The following ZBTB16 variants were observed in gnomAD, a reference collection of about 807,000 sequenced individuals.
ZBTB16 encodes zinc finger and BTB domain-containing protein 16.
In ZBTB16, 8 loss-of-function variants were observed where a neutral mutation model predicts 56.8. That is an observed-to-expected ratio of 0.14 (90% CI 0.08 to 0.25). The LOEUF is 0.25. ZBTB16 is among the 10% of genes least tolerant of loss of function. ZBTB16 has a pLI of 1.00. For missense variants in ZBTB16, 625 were observed against 903.0 expected (o/e 0.69, Z 3.95); for synonymous variants, 363 against 368.5 (o/e 0.98, Z 0.17).
At chr11:114,137,519 G>T (rs933861241) in intron 2 of ZBTB16, among the ~76,000 whole-genome samples, 5 of 152,168 alleles carry the variant, frequency 3.3e-5, no homozygotes, top group African/African-American at 1.2e-4. Context: ...TGTTCCAGTG[G>T]CAATTAAGTA....
intron 5 of ZBTB16, among the ~76,000 whole-genome samples, chr11:114,242,725 T>C (rs1417370077): frequency 3.9e-5 from 6 of 152,134 alleles, no homozygotes; most frequent in Admixed American, 6.5e-5. Flanking sequence ...CTGGGTCTCT[T>C]AACATTGTCT....
At chr11:114,204,699 A>G (rs1190808203) in intron 4 of ZBTB16, among the ~76,000 whole-genome samples, 2 of 151,406 alleles carry the variant, frequency 1.3e-5, no homozygotes, top group African/African-American at 4.9e-5. Flanking sequence ...GCTCATTACC[A>G]CCTCTCACCT....
intron 2 of ZBTB16, among the ~76,000 whole-genome samples, chr11:114,095,245 C>CTTT (rs745895999): frequency 1.2e-4 from 11 of 90,480 alleles, no homozygotes; most frequent in African/African-American, 6.8e-4. Flanking sequence ...CTTTTCTTTT[C>CTTT]TTTTTTTTTT....
At chr11:114,172,827 C>T (rs1191053237) in intron 3 of ZBTB16, among the ~76,000 whole-genome samples, 5 of 152,224 alleles carry the variant, frequency 3.3e-5, no homozygotes, top group Admixed American at 3.3e-4. Flanking sequence ...GGACCTCTGG[C>T]ATGGGAGGAG....
At chr11:114,201,737 T>G (rs1943741463) in intron 4 of ZBTB16, among the ~76,000 whole-genome samples, 1 of 152,170 alleles carries the variant, frequency 6.6e-6, no homozygotes, top group African/African-American at 2.4e-5. Flanking sequence ...AGCCACCCTA[T>G]AAGACTCTGT....
At position 114,239,507 on chromosome 11, in the gene ZBTB16, G is replaced by A. The variant is rs1012132890; in HGVS notation, c.1454-2660G>A. The stretch of plus-strand genomic sequence containing the variant: ...CATTGCAGATGCACTGTCCTCCTGT[G>A]TACGTCGGCCAAGCAGGGAGGGACA... On this transcript the variant is annotated intron_variant, in intron 4 of 6. Transcript: ENST00000335953. Among the ~76,000 whole-genome samples, 7 of 152,160 alleles carry A rather than the reference G, an allele frequency of 4.6e-5. No individual in the cohort carries two copies. The East Asian group carries it at 1.3e-3, about 29-fold the overall frequency.
chr11:114,243,785 C>T (rs1944761498), intron 5 of ZBTB16, among the ~76,000 whole-genome samples: 1 of 152,166 alleles, frequency 6.6e-6, no homozygotes, highest in African/African-American at 2.4e-5. Context: ...CCACTGGGTC[C>T]AATCAGTTGG....
chr11:114,126,775 G>A (rs1341004782), intron 2 of ZBTB16, among the ~76,000 whole-genome samples: 1 of 152,108 alleles, frequency 6.6e-6, no homozygotes, highest in Non-Finnish European at 1.5e-5. Flanking sequence ...CATGACCTTG[G>A]GAGAGAAGCC....
intron 2 of ZBTB16, among the ~76,000 whole-genome samples, chr11:114,136,005 G>A (rs932911005): frequency 1.8e-4 from 28 of 152,058 alleles, no homozygotes; most frequent in Non-Finnish European, 1.8e-4. Flanking sequence ...CCTTTTCTTC[G>A]GTGAGTTCCC....
intron 4 of ZBTB16, among the ~76,000 whole-genome samples, chr11:114,224,061 G>T (rs1944287018): frequency 1.3e-5 from 2 of 152,278 alleles, no homozygotes; most frequent in Admixed American, 1.3e-4. Context: ...GGACAATAGG[G>T]AAGTAATGAA....
At chr11:114,193,335 G>A (rs1405583225) in intron 4 of ZBTB16, among the ~76,000 whole-genome samples, 1 of 152,146 alleles carries the variant, frequency 6.6e-6, no homozygotes, top group Non-Finnish European at 1.5e-5. Flanking sequence ...CTTTGAGAAG[G>A]GCTCCCTGCC....
chr11:114,106,229 G>A (rs1591671393), intron 2 of ZBTB16, among the ~76,000 whole-genome samples: 1 of 152,068 alleles, frequency 6.6e-6, no homozygotes, highest in South Asian at 2.1e-4. Flanking sequence ...GAAGTGTTCC[G>A]TAGCTTCTGT....
intron 3 of ZBTB16, among the ~76,000 whole-genome samples, chr11:114,177,686 G>A (rs1943150637): frequency 6.6e-6 from 1 of 152,158 alleles, no homozygotes; most frequent in Non-Finnish European, 1.5e-5. Flanking sequence ...TTGTGCCCTT[G>A]TGCTGACTAC....
Position 114,070,195 on chromosome 11 carries a change from G to A in ZBTB16, c.1268+5627G>A, listed in dbSNP as rs1295350731. On this transcript the variant is annotated intron_variant, in intron 2 of 6. Coordinates refer to ENST00000335953, the MANE Select transcript of ZBTB16 (RefSeq NM_006006.6). ...GCAATCTCGGCTCACTGCAAGCTCC[G>A]CTTCCCGGGTTCACGCCATTCTCCT... 3.6e-5 allele frequency among the ~76,000 whole-genome samples: 5 copies of A among 138,802 alleles called. No individual in the cohort carries two copies. In the South Asian group the frequency reaches 7.0e-4, roughly 19 times the overall value. 91.1% of individuals were successfully genotyped at this position (138,802 alleles called of 152,430 possible). A position where few individuals can be genotyped will look rare whatever the true frequency, so the allele number is the denominator to read the frequency against.
chr11:114,190,831 T>C (rs979613657), intron 4 of ZBTB16, among the ~76,000 whole-genome samples: 2 of 152,100 alleles, frequency 1.3e-5, no homozygotes, highest in Admixed American at 6.6e-5. Flanking sequence ...CGTTCTTGCA[T>C]TGCTGTAAAG....
chr11:114,151,775 G>A (rs944887589), intron 2 of ZBTB16, among the ~76,000 whole-genome samples: 7 of 152,162 alleles, frequency 4.6e-5, no homozygotes, highest in African/African-American at 1.7e-4. Flanking sequence ...TTCCCCCCTT[G>A]GTCCCTGGCT....
In ZBTB16 at chr11:114,179,720, A is replaced by AT. The variant is rs1003052611; in HGVS notation, c.1367-7222dup. Among the ~76,000 whole-genome samples the AT allele has an allele frequency of 4.7e-5, 7 of 149,510 alleles. No individual in the cohort carries two copies. The East Asian group carries it at 1.2e-3, about 25-fold the overall frequency. On this transcript the variant is annotated intron_variant, in intron 3 of 6. Transcript: ENST00000335953. ...AGGCTTTGGAGAGGGAGGGATTTGA[A>AT]TTTTTTTTTTCTTCCCTCATTGGCT...
At chr11:114,099,861 T>G (rs1374988381) in intron 2 of ZBTB16, among the ~76,000 whole-genome samples, 1 of 152,246 alleles carries the variant, frequency 6.6e-6, no homozygotes, top group Admixed American at 6.5e-5. Flanking sequence ...AAGCATGGAT[T>G]GTGTTGGTGC....
intron 4 of ZBTB16, among the ~76,000 whole-genome samples, chr11:114,193,572 A>G (rs1291850448): frequency 6.6e-6 from 1 of 152,190 alleles, no homozygotes; most frequent in East Asian, 1.9e-4. Flanking sequence ...GTGGATTTTT[A>G]GTTCCCCTAA....
Sources: allele counts gnomAD v4.1 joint callset (sites outside exome capture counted in the v4.1 genomes callset), GRCh38; gene constraint gnomAD v4.1.1; transcripts MANE v1.5; gene names NCBI Gene and HGNC (gene_info 2026-07-23, HGNC 2026-07-21).